Variants in ADGRA3 observed in about 807,000 individuals in gnomAD.
The protein encoded by ADGRA3 is adhesion G protein-coupled receptor A3.
In ADGRA3, 56 loss-of-function variants were observed where a neutral mutation model predicts 119.8. The observed-to-expected ratio is 0.47, with a 90% CI of 0.38 to 0.58. ADGRA3 has a LOEUF of 0.58. ADGRA3 is among the 20% of genes least tolerant of loss of function. The pLI is 0.00. For missense variants in ADGRA3, 1,516 were observed against 1,649.0 expected (o/e 0.92, Z 1.40); for synonymous variants, 607 against 623.8 (o/e 0.97, Z 0.40).
At position 22,473,749 on chromosome 4, in the gene ADGRA3, G is replaced by A. The variant is rs745472715; in HGVS notation, c.329+23C>T. ...AATGCATTAAACAAAATAATAATGA[G>A]ATGATAATTAAAGAATACTCACAAT... On this transcript the variant is annotated intron_variant, in intron 2 of 18. Transcript: ENST00000334304. 1.3e-5 allele frequency: 18 copies of A among 1,391,104 alleles called. 1 individual carries two copies. In the South Asian group the frequency reaches 2.1e-4, roughly 16 times the overall value. 86.2% of individuals were successfully genotyped at this position (1,391,104 alleles called of 1,614,324 possible). A position where few individuals can be genotyped will look rare whatever the true frequency, so the allele number is the denominator to read the frequency against.
At chr4:22,423,298 T>C (rs1247239005) in intron 11 of ADGRA3, among the ~76,000 whole-genome samples, 2 of 149,986 alleles carry the variant, frequency 1.3e-5, no homozygotes, top group East Asian at 1.9e-4. Flanking sequence ...AAAAAGAAAA[T>C]ACTAAACTTA....
rs749669568 is a variant in ADGRA3 at position 22,413,632 on chromosome 4, A to T, written c.1992T>A (p.Thr664=). 2.7e-5 allele frequency: 43 copies of T among 1,613,936 alleles called. No individual in the cohort carries two copies. In the Admixed American group the frequency reaches 7.0e-4, roughly 26 times the overall value. ...TGGTGAGAATCACAGGGGTAACCAC[A>T]GTACGTCGTTTTCCATCATCAGCCA... ...TNLADDGKRR[T]VVTPVILTKI... The change falls in exon 13 of 19, where the codon ACT becomes ACA. Residue 664 remains threonine, a synonymous_variant. Transcript: ENST00000334304.
At chr4:22,495,797 T>C (rs1718800705) in intron 1 of ADGRA3, among the ~76,000 whole-genome samples, 1 of 151,946 alleles carries the variant, frequency 6.6e-6, no homozygotes, top group South Asian at 2.1e-4. Flanking sequence ...TAGTCCCAGC[T>C]ACTCAGGAGG....
chr4:22,460,769 T>C (rs554642999), intron 3 of ADGRA3, among the ~76,000 whole-genome samples: 2 of 152,098 alleles, frequency 1.3e-5, no homozygotes, highest in African/African-American at 4.8e-5. Flanking sequence ...ATTAGAAGGG[T>C]AGAGGGAAAA....
At chr4:22,480,835 A>C (rs1484567884) in intron 1 of ADGRA3, among the ~76,000 whole-genome samples, 1 of 152,156 alleles carries the variant, frequency 6.6e-6, no homozygotes, top group Admixed American at 6.5e-5. Flanking sequence ...AGGGAGAGGA[A>C]GCACTTTAGG....
intron 1 of ADGRA3, among the ~76,000 whole-genome samples, chr4:22,505,442 A>T (rs1719202725): frequency 6.6e-6 from 1 of 152,014 alleles, no homozygotes; most frequent in East Asian, 1.9e-4. Flanking sequence ...GGATCATTTG[A>T]GGGAAACCAA....
At chr4:22,479,842 G>A (rs1398251765) in intron 1 of ADGRA3, among the ~76,000 whole-genome samples, 1 of 152,194 alleles carries the variant, frequency 6.6e-6, no homozygotes, top group Non-Finnish European at 1.5e-5. Context: ...CATGTCCTTT[G>A]CAGGGACATG....
intron 10 of ADGRA3, among the ~76,000 whole-genome samples, chr4:22,429,369 T>C (rs1052940199): frequency 6.6e-6 from 1 of 152,020 alleles, no homozygotes; most frequent in Non-Finnish European, 1.5e-5. Flanking sequence ...CACTGAGAAG[T>C]AGGAAAATAG....
At chr4:22,442,209 G>A (rs1431412514) in intron 7 of ADGRA3, among the ~76,000 whole-genome samples, 1 of 152,016 alleles carries the variant, frequency 6.6e-6, no homozygotes, top group Non-Finnish European at 1.5e-5. Context: ...CCAATTATGA[G>A]GTTGATAGTT....
intron 10 of ADGRA3, among the ~76,000 whole-genome samples, chr4:22,432,822 C>T (rs1183275848): frequency 6.6e-6 from 1 of 152,144 alleles, no homozygotes; most frequent in Non-Finnish European, 1.5e-5. Context: ...GTTGGCCAGG[C>T]TCAATCACAG....
intron 1 of ADGRA3, among the ~76,000 whole-genome samples, chr4:22,512,712 G>A (rs1183293004): frequency 1.3e-5 from 2 of 152,162 alleles, no homozygotes; most frequent in African/African-American, 4.8e-5. Flanking sequence ...AGAGACGCAA[G>A]CATGAATTCT....
intron 12 of ADGRA3, chr4:22,414,340 T>C (rs887553217): frequency 1.4e-5 from 5 of 348,552 alleles, no homozygotes; most frequent in Non-Finnish European, 2.6e-5. Flanking sequence ...AGAAATTTCC[T>C]TGAGACTAGG....
At chr4:22,499,434 T>C (rs1263031429) in intron 1 of ADGRA3, among the ~76,000 whole-genome samples, 1 of 152,184 alleles carries the variant, frequency 6.6e-6, no homozygotes, top group Non-Finnish European at 1.5e-5. Context: ...AATCCCCACT[T>C]CCATTCACAG....
intron 1 of ADGRA3, among the ~76,000 whole-genome samples, chr4:22,486,168 T>C (rs1329317611): frequency 6.6e-6 from 1 of 152,234 alleles, no homozygotes; most frequent in African/African-American, 2.4e-5. Flanking sequence ...TTTCTCATTT[T>C]GCAGCCCTGT....
intron 12 of ADGRA3, chr4:22,414,580 C>T (rs1473441788): frequency 4.3e-6 from 3 of 697,976 alleles, no homozygotes; most frequent in South Asian, 1.5e-5. Flanking sequence ...CTCTCTTCTT[C>T]TAATTCCATA....
At chr4:22,501,475 C>G (rs971896740) in intron 1 of ADGRA3, among the ~76,000 whole-genome samples, 1 of 151,932 alleles carries the variant, frequency 6.6e-6, no homozygotes, top group East Asian at 1.9e-4. Context: ...GTTTCATAGA[C>G]CAGCAAAATA....
At chr4:22,475,943 A>T (rs1577371305) in intron 1 of ADGRA3, among the ~76,000 whole-genome samples, 2 of 152,232 alleles carry the variant, frequency 1.3e-5, no homozygotes, top group Non-Finnish European at 2.9e-5. Flanking sequence ...CAAATTTTTT[A>T]AAAAATGTTT....
rs77540665 is a variant in ADGRA3 at position 22,390,541 on chromosome 4, A to C, written c.2628-1358T>G. ...CTCTCTTCCTTCTGCCAACGCTGGT[A>C]CCACCACTTTCTCGCCTTTATCACC... On this transcript the variant is annotated intron_variant, in intron 17 of 18. Transcript: ENST00000334304. Among the ~76,000 whole-genome samples the C allele has an allele frequency of 3.4e-3, 514 of 151,656 alleles. 2 individuals carry two copies. The highest frequency in any genetic ancestry group is 0.012 in the African/African-American group (488 of 41,318).
intron 3 of ADGRA3, among the ~76,000 whole-genome samples, chr4:22,459,434 C>T (rs867330419): frequency 7.3e-5 from 11 of 151,136 alleles, no homozygotes; most frequent in Admixed American, 2.6e-4. Context: ...AGTTTACCTA[C>T]GCAACAAACC....
Sources: gnomAD v4.1 joint callset for allele counts (sites outside exome capture counted in the v4.1 genomes callset) on GRCh38, gnomAD v4.1.1 for gene constraint, MANE v1.5 for transcripts, NCBI Gene and HGNC (gene_info 2026-07-23, HGNC 2026-07-21) for gene names.